Variants in ANXA3 observed in about 807,000 individuals in gnomAD.
The protein encoded by ANXA3 is 35-alpha calcimedin.
A neutral mutation model predicts 48.8 loss-of-function variants in ANXA3; 46 were observed. That is an observed-to-expected ratio of 0.94 (90% CI 0.74 to 1.21). The LOEUF (loss-of-function observed/expected upper bound fraction) is 1.21, where lower values mean the gene tolerates loss of function less well. Among genes scored for constraint, ANXA3 ranks in the 50% most tolerant of loss-of-function variants. ANXA3 has a pLI of 0.00. For missense variants in ANXA3, 383 were observed against 378.6 expected (o/e 1.01, Z -0.10); for synonymous variants, 128 against 134.7 (o/e 0.95, Z 0.35).
chr4:78,564,270 T>C (rs1051301792), intron 2 of ANXA3, among the ~76,000 whole-genome samples: 12 of 152,180 alleles, frequency 7.9e-5, no homozygotes, highest in African/African-American at 2.7e-4. Context: ...ATGCATTTCA[T>C]GTCTCCAGTG....
At chr4:78,573,440 A>G (rs1287777984) in intron 3 of ANXA3, among the ~76,000 whole-genome samples, 173 bp downstream of exon 3, 1 of 152,212 alleles carries the variant, frequency 6.6e-6, no homozygotes, top group Admixed American at 6.5e-5. Flanking sequence ...TTAAATCTTA[A>G]CATTTATCAT....
In ANXA3 at chr4:78,597,345, CA is replaced by C; in HGVS notation, c.665del (p.Lys222ArgfsTer7). 6.2e-7 allele frequency: 1 copy of C among 1,609,970 alleles called. No homozygotes were observed. Among genetic ancestry groups the C allele is most frequent in the Admixed American group, 1.7e-5 (1 of 59,204 alleles). ...ATTTGATGAATACAGAAATATCAGCCAAAAGGACATTGTGGACAGCATAAAA... is the reference window on the plus strand; with the variant it reads ...ATTTGATGAATACAGAAATATCAGCCAAAGGACATTGTGGACAGCATAAAA... Reference protein sequence around the residue: ...LTFDEYRNISQKDIVDSIKGE... With the variant: ...LTFDEYRNISXKDIVDSIKGE... On this transcript the variant is annotated frameshift_variant, in exon 10 of 13. Transcript: ENST00000264908. LOFTEE classifies it high-confidence loss of function.
intron 6 of ANXA3, among the ~76,000 whole-genome samples, chr4:78,588,474 A>G (rs937368546): frequency 2.0e-5 from 3 of 152,130 alleles, no homozygotes; most frequent in Non-Finnish European, 4.4e-5. Flanking sequence ...GCAGGTTATA[A>G]CCCCCCAGAC....
chr4:78,551,902 A>G (rs1390740), intron 1 of ANXA3, 43 bp downstream of exon 1: 1 of 152,332 alleles, frequency 6.6e-6, no homozygotes, highest in Non-Finnish European at 1.5e-5. Context: ...CCTCGCCCAC[A>G]GCCGCCTGCT....
intron 11 of ANXA3, 57 bp from the exon 12 acceptor site, chr4:78,604,220 C>T: frequency 6.6e-7 from 1 of 1,507,794 alleles, no homozygotes; most frequent in South Asian, 1.3e-5. Flanking sequence ...ATATAGATCT[C>T]TATGTTGCTT....
At chr4:78,560,523 T>C (rs1722606605) in intron 2 of ANXA3, among the ~76,000 whole-genome samples, 1 of 152,214 alleles carries the variant, frequency 6.6e-6, no homozygotes, top group Non-Finnish European at 1.5e-5. Flanking sequence ...CCCTCCTTTG[T>C]GTCAGTGTGT....
rs1578404730 is a variant in ANXA3 at position 78,601,764 on chromosome 4, A to G, written c.789+196A>G. The G allele has an allele frequency of 6.3e-6, 3 of 475,014 alleles. No homozygotes were observed. In the East Asian group the frequency reaches 9.7e-5, roughly 15 times the overall value. 29.4% of individuals were successfully genotyped at this position (475,014 alleles called of 1,614,324 possible). A position where few individuals can be genotyped will look rare whatever the true frequency, so the allele number is the denominator to read the frequency against. On this transcript the variant is annotated intron_variant, in intron 11 of 12. Coordinates refer to ENST00000264908, the MANE Select transcript of ANXA3 (RefSeq NM_005139.3). ...ACACCTGATTTTCTCTTCAAAATAAACAGACCTGGGTTTATGAAATAATTT... is the reference window on the plus strand; with the variant it reads ...ACACCTGATTTTCTCTTCAAAATAAGCAGACCTGGGTTTATGAAATAATTT...
chr4:78,585,728 C>T (rs1416887157), intron 5 of ANXA3, among the ~76,000 whole-genome samples: 1 of 152,164 alleles, frequency 6.6e-6, no homozygotes, highest in African/African-American at 2.4e-5. Flanking sequence ...TATGACTTTT[C>T]TTGGAGTCAC....
At chr4:78,571,785 A>AT (rs1188661392) in intron 2 of ANXA3, among the ~76,000 whole-genome samples, 1 of 152,078 alleles carries the variant, frequency 6.6e-6, no homozygotes, top group Non-Finnish European at 1.5e-5. Flanking sequence ...ATTTTAAAAT[A>AT]TTTTTTCTAT....
At chr4:78,561,872 G>A (rs1160489173) in intron 2 of ANXA3, among the ~76,000 whole-genome samples, 2 of 152,176 alleles carry the variant, frequency 1.3e-5, no homozygotes, top group Admixed American at 1.3e-4. Flanking sequence ...AAACAGGTTA[G>A]ACCTGGATTT....
chr4:78,595,770 C>T (rs748860166), intron 8 of ANXA3, 24 bp from the exon 9 acceptor site: 1 of 1,437,238 alleles, frequency 7.0e-7, no homozygotes, highest in Non-Finnish European at 9.8e-7. Flanking sequence ...AATTGTGTCT[C>T]TAATATCATT....
intron 12 of ANXA3, among the ~76,000 whole-genome samples, chr4:78,606,342 T>G (rs1343297621): frequency 6.6e-6 from 1 of 152,168 alleles, no homozygotes; most frequent in Non-Finnish European, 1.5e-5. Context: ...GCTGAGGGTC[T>G]AAAACTGGGA....
chr4:78,584,092 T>A (rs1407850335), intron 5 of ANXA3, among the ~76,000 whole-genome samples: 1 of 152,242 alleles, frequency 6.6e-6, no homozygotes, highest in Non-Finnish European at 1.5e-5. Context: ...GTTTCTTCCA[T>A]CTGGAATGCT....
intron 2 of ANXA3, among the ~76,000 whole-genome samples, chr4:78,569,853 T>C (rs1190063390): frequency 2.0e-5 from 3 of 152,234 alleles, no homozygotes; most frequent in African/African-American, 7.2e-5. Flanking sequence ...CTGTCCTTAT[T>C]AGCAGAGCTC....
At chr4:78,582,835 ATTAAT>A (rs1290942552) in intron 5 of ANXA3, among the ~76,000 whole-genome samples, 3 of 152,206 alleles carry the variant, frequency 2.0e-5, no homozygotes, top group Non-Finnish European at 4.4e-5. Context: ...AATTATTTTT[ATTAAT>A]TTATTTTAAA....
chr4:78,603,571 T>C (rs553790176), intron 11 of ANXA3: 3 of 152,360 alleles, frequency 2.0e-5, no homozygotes, highest in African/African-American at 7.2e-5. Flanking sequence ...TTATCTTCCT[T>C]CTACTCCTAC....
intron 2 of ANXA3, 51 bp from the exon 3 acceptor site, chr4:78,573,129 C>G (rs1174397233): frequency 7.4e-7 from 1 of 1,355,874 alleles, no homozygotes; most frequent in Non-Finnish European, 1.1e-6. Flanking sequence ...ATATGTAATA[C>G]AAGAAAGATG....
chr4:78,608,240 G>C (rs1723691877), intron 12 of ANXA3, among the ~76,000 whole-genome samples: 1 of 152,100 alleles, frequency 6.6e-6, no homozygotes, highest in Admixed American at 6.6e-5. Context: ...TTGACTTAGA[G>C]GAAAGGCTTC....
intron 9 of ANXA3, 60 bp from the exon 10 acceptor site, chr4:78,597,259 A>T: frequency 9.0e-7 from 1 of 1,109,198 alleles, no homozygotes; most frequent in Non-Finnish European, 1.3e-6. Flanking sequence ...AAAAAACTAG[A>T]ATATATTCAA....
Sources: allele counts gnomAD v4.1 joint callset (sites outside exome capture counted in the v4.1 genomes callset), GRCh38; gene constraint gnomAD v4.1.1; transcripts MANE v1.5; gene names NCBI Gene and HGNC (gene_info 2026-07-23, HGNC 2026-07-21).